LIPF: variants seen among roughly 807,000 people sequenced by gnomAD.
The protein encoded by LIPF is lipase F, gastric type, also known as gastric triacylglycerol lipase.
A neutral mutation model predicts 38.0 loss-of-function variants in LIPF; 25 were observed. The observed-to-expected ratio is 0.66, with a 90% CI of 0.48 to 0.92. LIPF has a LOEUF of 0.92. Among genes scored for constraint, LIPF ranks in the 40% least tolerant of loss-of-function variants. The pLI, the probability that LIPF is intolerant of heterozygous loss-of-function variation, is 0.00. For synonymous variants in LIPF, 161 were observed against 156.2 expected, an observed-to-expected ratio of 1.03 and a Z score of -0.23; for missense variants, 410 against 469.9, an observed-to-expected ratio of 0.87 and a Z score of 1.18.
intron 9 of LIPF, among the ~76,000 whole-genome samples, chr10:88,677,008 CTATAG>C (rs2134648992): frequency 6.6e-6 from 1 of 152,250 alleles, no homozygotes; most frequent in East Asian, 1.9e-4. Context: ...GGGAAGCACC[CTATAG>C]TATTTTGTAA....
chr10:88,676,132 C>A, intron 8 of LIPF, 77 bp from the exon 9 acceptor site: 2 of 806,890 alleles, frequency 2.5e-6, no homozygotes, highest in Non-Finnish European at 3.9e-6. Flanking sequence ...TGAAAATAAA[C>A]TGCTTGGAAA....
At chr10:88,665,572 T>A (rs1841499090) in intron 1 of LIPF, 1 of 1,529,810 alleles carries the variant, frequency 6.5e-7, no homozygotes, top group South Asian at 1.2e-5. Flanking sequence ...AGGTTAAGTG[T>A]CCTCACTTTA....
Position 88,678,708 on chromosome 10 carries a change from G to C in LIPF, c.*27G>C. On this transcript the variant is annotated 3_prime_UTR_variant, in exon 10 of 10. Transcript: ENST00000238983. Reference sequence around the variant, plus strand: ...TCTGGATTTAAAGAATTATCCGTTTGTTTTTCCAAAATACTTTATTCTCTC... The same window carrying C: ...TCTGGATTTAAAGAATTATCCGTTTCTTTTTCCAAAATACTTTATTCTCTC... 2.7e-6 allele frequency: 4 copies of C among 1,477,642 alleles called. No individual in the cohort carries two copies. The highest frequency in any genetic ancestry group is 3.8e-6 in the Non-Finnish European group (4 of 1,058,404). The allele number at this position is 1,477,642 out of a possible 1,614,324, so 91.5% of individuals were successfully genotyped here.
At chr10:88,676,365 C>T (rs1020538513) in intron 9 of LIPF, 85 bp downstream of exon 9, 8 of 806,026 alleles carry the variant, frequency 9.9e-6, no homozygotes, top group South Asian at 5.2e-5. Flanking sequence ...ATGTTAACTG[C>T]GCATCTGTTT....
rs769112382 is a variant in LIPF at position 88,667,649 on chromosome 10, T to C, written c.186T>C (p.Asn62=). The part of the protein sequence containing the change: ...VTEDGYILEV[N]RIPYGKKNSG... ...AAGATGGTTATATTCTTGAAGTCAATAGAATTCCTTATGGGAAGAAAAATT... is the reference window on the plus strand; with the variant it reads ...AAGATGGTTATATTCTTGAAGTCAACAGAATTCCTTATGGGAAGAAAAATT... Residue 62 remains asparagine, a synonymous_variant, in exon 3 of 10, where the codon AAT becomes AAC. Coordinates refer to ENST00000238983, the MANE Select transcript of LIPF (RefSeq NM_004190.4). 18 of 1,573,906 alleles carry C rather than the reference T, an allele frequency of 1.1e-5. No individual in the cohort carries two copies. Among genetic ancestry groups the C allele is most frequent in the Non-Finnish European group, 1.1e-5 (13 of 1,144,670 alleles).
intron 6 of LIPF, among the ~76,000 whole-genome samples, chr10:88,672,662 A>ACTCTCTCTCT (rs1281006210): frequency 1.7e-3 from 210 of 126,054 alleles, no homozygotes; most frequent in African/African-American, 6.3e-3. Flanking sequence ...ACACACACAC[A>ACTCTCTCTCT]CACACACACT....
intron 1 of LIPF, among the ~76,000 whole-genome samples, chr10:88,665,103 G>C (rs1226697432): frequency 1.3e-5 from 2 of 152,158 alleles, no homozygotes; most frequent in African/African-American, 4.8e-5. Flanking sequence ...TTTGGAAATA[G>C]ACTAGTTTAA....
intron 5 of LIPF, among the ~76,000 whole-genome samples, chr10:88,671,448 C>A (rs868615678): frequency 5.9e-5 from 9 of 152,072 alleles, no homozygotes; most frequent in African/African-American, 1.9e-4. Flanking sequence ...ATATACTCTA[C>A]TCATATTAAG....
intron 8 of LIPF, among the ~76,000 whole-genome samples, chr10:88,675,982 C>G (rs1214766656): frequency 6.6e-6 from 1 of 152,126 alleles, no homozygotes; most frequent in East Asian, 1.9e-4. Flanking sequence ...ATCCCTCCCC[C>G]CAGCAAATGC....
intron 4 of LIPF, 31 bp downstream of exon 4, chr10:88,668,787 C>G: frequency 2.5e-6 from 4 of 1,587,992 alleles, no homozygotes; most frequent in Non-Finnish European, 3.5e-6. Flanking sequence ...AAAATAAACA[C>G]TGGGCTTTAA....
intron 5 of LIPF, 63 bp downstream of exon 5, chr10:88,670,009 G>A: frequency 1.9e-6 from 2 of 1,050,192 alleles, no homozygotes; most frequent in Non-Finnish European, 2.9e-6. Context: ...AGTGGTTATG[G>A]TAGGCATGTT....
Position 88,665,433 on chromosome 10 carries a change from C to T in LIPF, c.-12+942C>T. On this transcript the variant is annotated intron_variant, in intron 1 of 9. Coordinates refer to ENST00000238983, the MANE Select transcript of LIPF (RefSeq NM_004190.4). ...ATACCATGTTGAACACACAGTACAG[C>T]ACACAGTGAGTCCTCTGTATGTGTT... 3.8e-6 allele frequency: 3 copies of T among 798,708 alleles called. No individual in the cohort carries two copies. The South Asian group carries it at 4.4e-5, about 12-fold the overall frequency. The allele number at this position is 798,708 out of a possible 1,614,324, so 49.5% of individuals were successfully genotyped here.
rs1475086676 is a variant in LIPF at position 88,673,682 on chromosome 10, G to A, written c.764G>A (p.Cys255Tyr). The A allele has an allele frequency of 6.2e-7, 1 of 1,612,612 alleles. No homozygotes were observed. Residue 255 changes from cysteine to tyrosine, a missense_variant, in exon 7 of 10, where the codon TGC becomes TAC. Physicochemically the swap from Cys to Tyr is radical, Grantham distance 194. Coordinates refer to ENST00000238983, the MANE Select transcript of LIPF (RefSeq NM_004190.4). ...VCSREMLNLL[C>Y]SNALFIICGF... ...TCCCGTGAGATGCTGAATCTCCTTT[G>A]CAGCAATGCCTTATTTATAATTTGT...
At chr10:88,665,513 G>A (rs945191687) in intron 1 of LIPF, 2 of 1,532,418 alleles carry the variant, frequency 1.3e-6, no homozygotes, top group East Asian at 4.9e-5. Flanking sequence ...AATTTATTCT[G>A]CCCTTGAACA....
chr10:88,668,410 A>G, intron 3 of LIPF, 148 bp from the exon 4 acceptor site: 2 of 702,828 alleles, frequency 2.8e-6, no homozygotes, highest in Non-Finnish European at 4.6e-6. Flanking sequence ...AGAAATCATC[A>G]CCACAATTAC....
chr10:88,666,862 T>C (rs939023958), intron 1 of LIPF, among the ~76,000 whole-genome samples: 15 of 152,166 alleles, frequency 9.9e-5, no homozygotes, highest in African/African-American at 3.6e-4. Context: ...ATACAGAGAT[T>C]GGATATAGAG....
Position 88,675,589 on chromosome 10 carries a change from C to A in LIPF, c.820C>A (p.Arg274Ser). 6.2e-7 allele frequency: 1 copy of A among 1,606,292 alleles called. No individual in the cohort carries two copies. The highest frequency in any genetic ancestry group is 1.1e-5 in the South Asian group (1 of 90,870). The change falls in exon 8 of 10, where the codon CGC becomes AGC. Residue 274 changes from arginine to serine, a missense_variant. Arg to Ser is a moderately radical substitution (Grantham distance 110, BLOSUM62 -1). Coordinates refer to ENST00000238983, the MANE Select transcript of LIPF (RefSeq NM_004190.4). ...GFDSKNFNTS[R>S]LDVYLSHNPA... ...ATGTGTGTCTGTTGATTTCTAGAGT[C>A]GCTTGGATGTGTATCTATCACATAA...
rs2134644049 is a variant in LIPF, at chr10:88,673,668, G to A, written c.750G>A (p.Met250Ile). 1 of 1,612,884 alleles carries A rather than the reference G, an allele frequency of 6.2e-7. No homozygotes were observed. The highest frequency in any genetic ancestry group is 8.5e-7 in the Non-Finnish European group (1 of 1,179,026). ...FLATEVCSRE[M>I]LNLLCSNALF... ...CTACTGAAGTGTGCTCCCGTGAGAT[G>A]CTGAATCTCCTTTGCAGCAATGCCT... The change falls in exon 7 of 10, where the codon ATG (methionine) becomes ATA (isoleucine). Residue 250 changes from methionine (M) to isoleucine (I), a missense_variant. Physicochemically the swap from Met to Ile is conservative, Grantham distance 10 (BLOSUM62 1). Transcript: ENST00000238983.
chr10:88,672,662 A>ACT (rs1281006210), intron 6 of LIPF, among the ~76,000 whole-genome samples: 44 of 126,128 alleles, frequency 3.5e-4, no homozygotes, highest in African/African-American at 1.3e-3. Context: ...ACACACACAC[A>ACT]CACACACACT....
Sources: allele counts gnomAD v4.1 joint callset (sites outside exome capture counted in the v4.1 genomes callset), GRCh38; gene constraint gnomAD v4.1.1; transcripts MANE v1.5; gene names NCBI Gene and HGNC (gene_info 2026-07-23, HGNC 2026-07-21).